The following EYA4 variants were observed in gnomAD, a reference collection of about 807,000 sequenced individuals.
EYA4 encodes the protein EYA transcriptional coactivator and phosphatase 4, also known as protein phosphatase EYA4.
Under a neutral mutation model 87.9 loss-of-function variants are expected in EYA4, and 31 were observed. That is an observed-to-expected ratio of 0.35 (90% CI 0.27 to 0.48). The LOEUF is 0.48. EYA4 is among the 20% of genes least tolerant of loss of function. EYA4 has a pLI of 0.99. For synonymous variants in EYA4, 263 were observed against 270.6 expected (o/e 0.97, Z 0.28); for missense variants, 678 against 761.4 (o/e 0.89, Z 1.29).
At chr6:133,478,898 G>A (rs1170317444) in intron 11 of EYA4, among the ~76,000 whole-genome samples, 1 of 152,064 alleles carries the variant, frequency 6.6e-6, no homozygotes, top group Non-Finnish European at 1.5e-5. Flanking sequence ...CTCCTTTATG[G>A]ACTCAGCCTA....
chr6:133,391,310 A>G (rs539855311), intron 3 of EYA4, among the ~76,000 whole-genome samples: 5 of 148,140 alleles, frequency 3.4e-5, no homozygotes, highest in African/African-American at 1.3e-4. Flanking sequence ...GCTCACCACA[A>G]CCTCCACCTC....
At chr6:133,376,454 T>A (rs1048070706) in intron 2 of EYA4, among the ~76,000 whole-genome samples, 5 of 151,914 alleles carry the variant, frequency 3.3e-5, no homozygotes, top group Non-Finnish European at 7.4e-5. Context: ...CCAAAAGAGA[T>A]CTTTTGAAAA....
intron 2 of EYA4, among the ~76,000 whole-genome samples, chr6:133,285,291 C>A (rs866526892): frequency 6.6e-6 from 1 of 152,058 alleles, no homozygotes; most frequent in South Asian, 2.1e-4. Flanking sequence ...AGGGAGGCCT[C>A]ACTGAGAAGA....
chr6:133,448,260 G>A (rs1793061593), intron 5 of EYA4, 81 bp downstream of exon 5: 2 of 1,018,590 alleles, frequency 2.0e-6, no homozygotes, highest in Non-Finnish European at 3.1e-6. Flanking sequence ...CTATGTCTAT[G>A]TTTGCATCTC....
chr6:133,393,651 A>G (rs1787497766), intron 3 of EYA4, among the ~76,000 whole-genome samples: 1 of 152,230 alleles, frequency 6.6e-6, no homozygotes, highest in Non-Finnish European at 1.5e-5. Flanking sequence ...GCAATATTCT[A>G]GAAAAAGCTA....
At chr6:133,476,218 A>T (rs893205917) in intron 11 of EYA4, among the ~76,000 whole-genome samples, 1 of 152,134 alleles carries the variant, frequency 6.6e-6, no homozygotes, top group South Asian at 2.1e-4. Context: ...TGAGCTGATT[A>T]ACATATGCAT....
At chr6:133,520,670 A>G (rs1038757817) in intron 17 of EYA4, among the ~76,000 whole-genome samples, 3 of 147,906 alleles carry the variant, frequency 2.0e-5, no homozygotes, top group Admixed American at 1.4e-4. Flanking sequence ...AAGAGCCCGC[A>G]TCGCCAAGTC....
chr6:133,244,627 TAA>T lies in EYA4; in HGVS notation c.-66+2889_-66+2890del, dbSNP rs5880167. On this transcript the variant is annotated intron_variant, in intron 1 of 19. Coordinates refer to ENST00000355286, the MANE Select transcript of EYA4 (RefSeq NM_004100.5). ...TTTCTTTTAATAAGGCTCTTTGGGTTAAAAAAAAAAAAGGAAAAACAAGTACT... is the reference window on the plus strand; with the variant it reads ...TTTCTTTTAATAAGGCTCTTTGGGTTAAAAAAAAAAGGAAAAACAAGTACT... 7.8e-3 allele frequency among the ~76,000 whole-genome samples: 1,142 copies of T among 145,510 alleles called. 7 individuals are homozygous for T. The highest frequency in any genetic ancestry group is 0.014 in the African/African-American group (572 of 39,832).
intron 13 of EYA4, among the ~76,000 whole-genome samples, chr6:133,489,967 AG>A (rs1198518903): frequency 5.5e-5 from 7 of 126,294 alleles, no homozygotes; most frequent in African/African-American, 2.8e-4. Flanking sequence ...TTCAAGACAT[AG>A]TAAAATAGGA....
At chr6:133,435,259 C>T (rs1791545954) in intron 3 of EYA4, 1 of 152,244 alleles carries the variant, frequency 6.6e-6, no homozygotes, top group Non-Finnish European at 1.5e-5. Flanking sequence ...GCTTTATTTG[C>T]TGTTAGTCCG....
intron 13 of EYA4, among the ~76,000 whole-genome samples, chr6:133,498,739 A>T (rs1797847562): frequency 6.6e-6 from 1 of 152,206 alleles, no homozygotes; most frequent in South Asian, 2.1e-4. Context: ...GTGTACATAA[A>T]TATCATACAT....
chr6:133,333,904 A>G (rs570975855), intron 2 of EYA4, among the ~76,000 whole-genome samples: 3 of 152,276 alleles, frequency 2.0e-5, no homozygotes, highest in Admixed American at 1.3e-4. Flanking sequence ...TTGCCTTCTG[A>G]AAAAAGGTTT....
At chr6:133,510,594 G>A (rs1307718137) in intron 14 of EYA4, 4 of 250,358 alleles carry the variant, frequency 1.6e-5, no homozygotes, top group African/African-American at 4.6e-5. Flanking sequence ...TGTTTTTCAG[G>A]AAGCATAATG....
At chr6:133,473,520 T>C (rs902014595) in intron 11 of EYA4, among the ~76,000 whole-genome samples, 2 of 152,064 alleles carry the variant, frequency 1.3e-5, no homozygotes, top group African/African-American at 4.8e-5. Context: ...ATATCATGAA[T>C]TGATGAAATG....
intron 3 of EYA4, among the ~76,000 whole-genome samples, chr6:133,397,186 G>A (rs1410989919): frequency 1.3e-5 from 2 of 152,164 alleles, no homozygotes; most frequent in Non-Finnish European, 2.9e-5. Context: ...GACAGTATAG[G>A]CAGCAAAGCA....
chr6:133,356,057 A>C (rs111272808), intron 2 of EYA4, among the ~76,000 whole-genome samples: 1 of 135,682 alleles, frequency 7.4e-6, no homozygotes, highest in African/African-American at 2.9e-5. Context: ...GAAAGAGAGA[A>C]AGAGAGAGAG....
chr6:133,336,596 A>G (rs977422031), intron 2 of EYA4, among the ~76,000 whole-genome samples: 1 of 152,148 alleles, frequency 6.6e-6, no homozygotes, highest in Admixed American at 6.6e-5. Context: ...CAAACAAACA[A>G]TTGTATTTTG....
chr6:133,265,027 C>T (rs528704732), intron 1 of EYA4, among the ~76,000 whole-genome samples: 39 of 152,184 alleles, frequency 2.6e-4, no homozygotes, highest in Non-Finnish European at 5.4e-4. Flanking sequence ...CCCACCTGGA[C>T]GGCGCCATGG....
intron 2 of EYA4, among the ~76,000 whole-genome samples, chr6:133,304,521 A>T (rs1779660212): frequency 6.6e-6 from 1 of 152,308 alleles, no homozygotes; most frequent in East Asian, 1.9e-4. Context: ...TGAGGTACAG[A>T]TAAGGATTCT....
Sources: gnomAD v4.1 joint callset for allele counts (sites outside exome capture counted in the v4.1 genomes callset) on GRCh38, gnomAD v4.1.1 for gene constraint, MANE v1.5 for transcripts, NCBI Gene and HGNC (gene_info 2026-07-23, HGNC 2026-07-21) for gene names.